CYP27A1: variants seen among roughly 807,000 people sequenced by gnomAD.
The protein encoded by CYP27A1 is cytochrome P450 family 27 subfamily A member 1, also known as sterol 26-hydroxylase, mitochondrial.
Under a neutral mutation model 58.2 loss-of-function variants are expected in CYP27A1, and 46 were observed. The ratio of observed to expected loss-of-function variants is 0.79; its 90% CI spans 0.62 to 1.01. The LOEUF is 1.01. Ranked by LOEUF, CYP27A1 falls within the 50% of genes least tolerant of loss-of-function variation. CYP27A1 has a pLI of 0.00. For synonymous variants in CYP27A1, 274 were observed against 285.1 expected (o/e 0.96, Z 0.39); for missense variants, 704 against 687.0 (o/e 1.02, Z -0.28).
intron 1 of CYP27A1, among the ~76,000 whole-genome samples, chr2:218,800,053 A>G (rs777992369): frequency 5.3e-5 from 8 of 152,006 alleles, no homozygotes; most frequent in Non-Finnish European, 8.8e-5. Flanking sequence ...GTTGTGGGGT[A>G]CCTCCATTGC....
Position 218,814,434 on chromosome 2 carries a change from T to G in CYP27A1, c.1239T>G (p.Val413=). The change falls in exon 7 of 9, where the codon GTT becomes GTG. Residue 413 remains valine (V), a synonymous_variant. Coordinates refer to ENST00000258415, the MANE Select transcript of CYP27A1 (RefSeq NM_000784.4). The part of the protein sequence containing the change: ...NSRIIEKEIE[V]DGFLFPKNTQ... Reference sequence around the variant, plus strand: ...GGATCATAGAAAAGGAAATTGAAGTTGATGGCTTCCTCTTCCCCAAGAACG... The same window carrying G: ...GGATCATAGAAAAGGAAATTGAAGTGGATGGCTTCCTCTTCCCCAAGAACG... The G allele has an allele frequency of 5.0e-6, 8 of 1,614,222 alleles. No homozygotes were observed. Among genetic ancestry groups the G allele is most frequent in the Non-Finnish European group, 6.8e-6 (8 of 1,180,036 alleles).
chr2:218,784,316 A>T (rs920617239), intron 1 of CYP27A1, among the ~76,000 whole-genome samples: 1 of 152,230 alleles, frequency 6.6e-6, no homozygotes, highest in Non-Finnish European at 1.5e-5. Flanking sequence ...GAATGTGATT[A>T]TGTGATTATG....
At chr2:218,802,816 T>A (rs928418963) in intron 1 of CYP27A1, among the ~76,000 whole-genome samples, 1 of 152,256 alleles carries the variant, frequency 6.6e-6, no homozygotes, top group Non-Finnish European at 1.5e-5. Context: ...TCTTTTCTTG[T>A]GGTTAACAGT....
chr2:218,813,816 G>T (rs1943749658), intron 5 of CYP27A1, among the ~76,000 whole-genome samples: 1 of 151,960 alleles, frequency 6.6e-6, no homozygotes, highest in African/African-American at 2.4e-5. Flanking sequence ...TCCACTGAAG[G>T]TGCGATTCTT....
rs533885672 is a variant in CYP27A1, at chr2:218,814,075, C to T, written c.1072C>T (p.Gln358Ter). The T allele has an allele frequency of 6.2e-6, 10 of 1,614,266 alleles. No homozygotes were observed. In the East Asian group the frequency reaches 2.2e-4, roughly 36 times the overall value. ...CCACCTCTCAAAGGACCCTGAGATCCAGGAGGCCTTGCACGAGGAAGTGGT... is the reference window on the plus strand; with the variant it reads ...CCACCTCTCAAAGGACCCTGAGATCTAGGAGGCCTTGCACGAGGAAGTGGT... ...LYHLSKDPEI[Q>*]EALHEEVVGV... The change falls in exon 6 of 9, where the codon CAG (glutamine) becomes TAG (stop). Residue 358 changes from glutamine (Q) to a stop codon, truncating the protein, a stop_gained. Transcript: ENST00000258415. LOFTEE classifies it high-confidence loss of function.
chr2:218,813,128 C>T (rs1212736846), intron 5 of CYP27A1, 32 bp downstream of exon 5: 3 of 1,581,776 alleles, frequency 1.9e-6, no homozygotes, highest in African/African-American at 2.7e-5. Flanking sequence ...GACCAGGGGC[C>T]CCCAGCTCCC....
intron 2 of CYP27A1, among the ~76,000 whole-genome samples, chr2:218,810,408 A>G (rs1392797800): frequency 6.6e-6 from 1 of 152,210 alleles, no homozygotes; most frequent in Non-Finnish European, 1.5e-5. Flanking sequence ...GCTAAACATT[A>G]TGTAGAGCCC....
At chr2:218,786,700 C>T (rs763363245) in intron 1 of CYP27A1, among the ~76,000 whole-genome samples, 23 of 152,094 alleles carry the variant, frequency 1.5e-4, no homozygotes, top group Non-Finnish European at 2.6e-4. Flanking sequence ...CTTCCTGTGC[C>T]CCCCAGTGCC....
At position 218,812,629 on chromosome 2, in the gene CYP27A1, A is replaced by G; in HGVS notation, c.724A>G (p.Arg242Gly). Residue 242 changes from arginine (R) to glycine (G), a missense_variant, in exon 4 of 9, where the codon AGA (arginine) becomes GGA (glycine). Coordinates refer to ENST00000258415, the MANE Select transcript of CYP27A1 (RefSeq NM_000784.4). The stretch of plus-strand genomic sequence containing the variant: ...CCCCGAGGACACCGTGACCTTCGTC[A>G]GATCCATCGGGTTAATGTTCCAGAA... ...SIPEDTVTFV[R>G]SIGLMFQNSL... 6.2e-7 allele frequency: 1 copy of G among 1,614,242 alleles called. No individual in the cohort carries two copies. The highest frequency in any genetic ancestry group is 1.3e-5 in the African/African-American group (1 of 75,068).
intron 1 of CYP27A1, among the ~76,000 whole-genome samples, chr2:218,790,703 CTT>C (rs995291470): frequency 2.1e-5 from 3 of 145,372 alleles, no homozygotes. Context: ...TTCTTTCTTT[CTT>C]TTTTTTTTTT....
chr2:218,797,715 CA>C (rs1943560341), intron 1 of CYP27A1, among the ~76,000 whole-genome samples: 2 of 152,096 alleles, frequency 1.3e-5, no homozygotes, highest in African/African-American at 4.8e-5. Flanking sequence ...TTTATTTTGC[CA>C]AAATGATGAC....
At position 218,812,553 on chromosome 2, in the gene CYP27A1, T is replaced by A. The variant is rs1226464365; in HGVS notation, c.648T>A (p.Ala216=). Residue 216 remains alanine (A), a splice_region_variant and synonymous_variant, in exon 4 of 9, where the codon GCT becomes GCA. Transcript: ENST00000258415. ...TGATGGCCTCTGTGCACTACTCAGC[T>A]ATTTGCTACATCCTGTTCGAGAAAC... is the stretch of plus-strand genomic sequence containing the variant. ...AQLFYYFALE[A]ICYILFEKRI... 6.2e-7 allele frequency: 1 copy of A among 1,614,092 alleles called. No individual in the cohort carries two copies. The highest frequency in any genetic ancestry group is 8.5e-7 in the Non-Finnish European group (1 of 1,180,030).
At chr2:218,800,845 A>T (rs953984270) in intron 1 of CYP27A1, among the ~76,000 whole-genome samples, 1 of 152,170 alleles carries the variant, frequency 6.6e-6, no homozygotes, top group Non-Finnish European at 1.5e-5. Flanking sequence ...AAAGCATACC[A>T]TATGCTCTCT....
In CYP27A1 at chr2:218,812,650, C is replaced by T. The variant is rs72551316; in HGVS notation, c.745C>T (p.Gln249Ter). ...TFVRSIGLMF[Q>*]NSLYATFLPK... is the part of the protein sequence containing the mutation. ...CGTCAGATCCATCGGGTTAATGTTC[C>T]AGAACTCACTCTATGCCACCTTCCT... Residue 249 changes from glutamine (Q) to a stop codon, truncating the protein, a stop_gained, in exon 4 of 9, where the codon CAG becomes TAG. Transcript: ENST00000258415. LOFTEE classifies it high-confidence loss of function. 11 of 1,614,102 alleles carry T rather than the reference C, an allele frequency of 6.8e-6. No individual in the cohort carries two copies. Among genetic ancestry groups the T allele is most frequent in the South Asian group, 4.4e-5 (4 of 91,090 alleles).
intron 1 of CYP27A1, among the ~76,000 whole-genome samples, chr2:218,783,343 A>C (rs751048219): frequency 2.0e-5 from 3 of 152,110 alleles, no homozygotes; most frequent in African/African-American, 7.2e-5. Flanking sequence ...GGAGAAAACC[A>C]ATGTCTAATA....
chr2:218,814,123 G>C lies in CYP27A1; in HGVS notation c.1120G>C (p.Val374Leu). ...GGTGGGTGTGGTGCCAGCCGGGCAAGTGCCCCAGCACAAGGACTTTGCCCA... is the reference window on the plus strand; with the variant it reads ...GGTGGGTGTGGTGCCAGCCGGGCAACTGCCCCAGCACAAGGACTTTGCCCA... ...EVVGVVPAGQ[V>L]PQHKDFAHMP... Residue 374 changes from valine (V) to leucine (L), a missense_variant, in exon 6 of 9, where the codon GTG becomes CTG. Coordinates refer to ENST00000258415, the MANE Select transcript of CYP27A1 (RefSeq NM_000784.4). The C allele has an allele frequency of 6.2e-7, 1 of 1,614,288 alleles. No homozygotes were observed. The highest frequency in any genetic ancestry group is 1.1e-5 in the South Asian group (1 of 91,090).
Position 218,812,741 on chromosome 2 carries a change from T to G in CYP27A1, c.836T>G (p.Phe279Cys). ...TACCTGGATGGTTGGAATGCCATCT[T>G]TTCCTTTGGTGAGGACTCCCAGATG... ...KRYLDGWNAI[F>C]SFGKKLIDEK... Residue 279 changes from phenylalanine to cysteine, a missense_variant, in exon 4 of 9, where the codon TTT (phenylalanine) becomes TGT (cysteine). Phe to Cys is a radical substitution (Grantham distance 205). Coordinates refer to ENST00000258415, the MANE Select transcript of CYP27A1 (RefSeq NM_000784.4). 1.2e-6 allele frequency: 2 copies of G among 1,614,202 alleles called. No individual in the cohort carries two copies. Among genetic ancestry groups the G allele is most frequent in the Non-Finnish European group, 1.7e-6 (2 of 1,180,038 alleles).
In CYP27A1 at chr2:218,786,871, T is replaced by C. The variant is rs1943445768; in HGVS notation, c.255+4434T>C. Among the ~76,000 whole-genome samples, 3 of 152,180 alleles carry C rather than the reference T, an allele frequency of 2.0e-5. No individual in the cohort carries two copies. In the South Asian group the frequency reaches 6.2e-4, roughly 32 times the overall value. ...GTGCAGTGGTGCGATCATGGCTCAC[T>C]GCAGCTTTGACCTCCTGGGCTCCAG... On this transcript the variant is annotated intron_variant, in intron 1 of 8. Transcript: ENST00000258415.
At chr2:218,813,898 T>G in intron 5 of CYP27A1, 123 bp from the exon 6 acceptor site, 1 of 1,066,922 alleles carries the variant, frequency 9.4e-7, no homozygotes, top group Non-Finnish European at 1.4e-6. Flanking sequence ...GCATGTTTTT[T>G]CCTGCTAGGC....
Sources: allele counts gnomAD v4.1 joint callset (sites outside exome capture counted in the v4.1 genomes callset), GRCh38; gene constraint gnomAD v4.1.1; transcripts MANE v1.5; gene names NCBI Gene and HGNC (gene_info 2026-07-23, HGNC 2026-07-21).